GNA11: variants seen among roughly 807,000 people sequenced by gnomAD.
The protein encoded by GNA11 is G protein subunit alpha 11, also known as guanine nucleotide-binding protein subunit alpha-11.
Under a neutral mutation model 38.2 loss-of-function variants are expected in GNA11, and 8 were observed. That is an observed-to-expected ratio of 0.21 (90% CI 0.12 to 0.38). The LOEUF is 0.38. Among genes scored for constraint, GNA11 ranks in the 10% least tolerant of loss-of-function variants. The probability of loss-of-function intolerance (pLI) is 1.00; values close to 1 mark genes in which losing one functional copy is unlikely to be tolerated. For synonymous variants in GNA11, 211 were observed against 221.4 expected (o/e 0.95, Z 0.42); for missense variants, 268 against 516.3 (o/e 0.52, Z 4.66).
intron 1 of GNA11, among the ~76,000 whole-genome samples, chr19:3,101,910 A>G (rs1913516767): frequency 6.6e-6 from 1 of 152,116 alleles, no homozygotes; most frequent in Admixed American, 6.6e-5. Context: ...CCTGGGCAAC[A>G]TGACGAGACC....
chr19:3,111,405 G>A (rs2145316742), intron 2 of GNA11, among the ~76,000 whole-genome samples: 1 of 152,072 alleles, frequency 6.6e-6, no homozygotes, highest in African/African-American at 2.4e-5. Flanking sequence ...TCATAGAAAT[G>A]GGATTGCACG....
chr19:3,117,601 C>T (rs1270385324), intron 4 of GNA11: 1 of 152,316 alleles, frequency 6.6e-6, no homozygotes, highest in Non-Finnish European at 1.5e-5. Flanking sequence ...CCAGGATGGT[C>T]TCGACCTCCT....
chr19:3,110,795 T>C lies in GNA11; in HGVS notation c.321+462T>C, dbSNP rs1425763588. On this transcript the variant is annotated intron_variant, in intron 2 of 6. Coordinates refer to ENST00000078429, the MANE Select transcript of GNA11 (RefSeq NM_002067.5). The surrounding 1 kb of genome is among the most constrained non-coding windows in gnomAD (Gnocchi z 5.4). ...ACCTTCTCACACTGTTTTTTTGTTT[T>C]GTTTTGTTTTGTTTTGTTTTGAAAA... 6.6e-6 allele frequency among the ~76,000 whole-genome samples: 1 copy of C among 151,932 alleles called. No individual in the cohort carries two copies. The highest frequency in any genetic ancestry group is 1.5e-5 in the Non-Finnish European group (1 of 67,938).
At chr19:3,103,246 C>T (rs1244527738) in intron 1 of GNA11, among the ~76,000 whole-genome samples, 1 of 152,094 alleles carries the variant, frequency 6.6e-6, no homozygotes, top group Admixed American at 6.5e-5. Flanking sequence ...GAGAGTCTCA[C>T]TCTGTTGCCC....
At chr19:3,098,277 T>G (rs900171884) in intron 1 of GNA11, among the ~76,000 whole-genome samples, 2 of 152,232 alleles carry the variant, frequency 1.3e-5, no homozygotes, top group African/African-American at 4.8e-5. Flanking sequence ...GTGCACACGC[T>G]GCTCCCGCCT....
intron 1 of GNA11, among the ~76,000 whole-genome samples, chr19:3,095,451 G>A (rs1230010688): frequency 6.6e-6 from 1 of 151,780 alleles, no homozygotes; most frequent in African/African-American, 2.4e-5. Flanking sequence ...AGGGCCCCGC[G>A]TTGACCCTTC....
At chr19:3,103,519 C>CTTTTTTTTTTTTTTTTTTTTTTT (rs760497682) in intron 1 of GNA11, among the ~76,000 whole-genome samples, 1 of 45,800 alleles carries the variant, frequency 2.2e-5, no homozygotes, top group Non-Finnish European at 4.0e-5. Flanking sequence ...GGCCTTGAAT[C>CTTTTTTTTTTTTTTTTTTTTTTT]TTTTTTTTTT....
chr19:3,119,560 G>C lies in GNA11; in HGVS notation c.889+201G>C, dbSNP rs560102568. Among the ~76,000 whole-genome samples, 62 of 150,320 alleles carry C rather than the reference G, an allele frequency of 4.1e-4. No individual in the cohort carries two copies. Among genetic ancestry groups the C allele is most frequent in the African/African-American group, 1.4e-3 (59 of 40,776 alleles). On this transcript the variant is annotated intron_variant, in intron 6 of 6. Transcript: ENST00000078429. This position sits in a 1 kb window ranked among gnomAD's most constrained non-coding sequence, Gnocchi z 4.6. Reference sequence around the variant, plus strand: ...TGTACGGGAATGAGTTCTCCGACGCGGGTGTCTCATACCCGTGGGAGATCT... The same window carrying C: ...TGTACGGGAATGAGTTCTCCGACGCCGGTGTCTCATACCCGTGGGAGATCT...
At chr19:3,103,876 G>T (rs545261689) in intron 1 of GNA11, among the ~76,000 whole-genome samples, 1 of 151,946 alleles carries the variant, frequency 6.6e-6, no homozygotes, top group Admixed American at 6.6e-5. Flanking sequence ...TAGTGGAGAC[G>T]CGGTTTCACC....
chr19:3,121,680 C>T lies in GNA11; in HGVS notation c.*501C>T, dbSNP rs992022707. ...CGCTTCTTTTCTTCATCACAAAAGGCGTGGAGACTCGGAGACGGACGTTTT... is the reference window on the plus strand; with the variant it reads ...CGCTTCTTTTCTTCATCACAAAAGGTGTGGAGACTCGGAGACGGACGTTTT... On this transcript the variant is annotated 3_prime_UTR_variant, in exon 7 of 7. Transcript: ENST00000078429. 4.7e-5 allele frequency: 11 copies of T among 232,718 alleles called. No individual in the cohort carries two copies. Among genetic ancestry groups the T allele is most frequent in the African/African-American group, 1.1e-4 (5 of 45,408 alleles). The allele number at this position is 232,718 out of a possible 1,614,324, so 14.4% of individuals were successfully genotyped here.
rs377100062 is a variant in GNA11 at position 3,114,931 on chromosome 19, C to T, written c.477-13C>T. 69 of 1,597,202 alleles carry T rather than the reference C, an allele frequency of 4.3e-5. No homozygotes were observed. The highest frequency in any genetic ancestry group is 1.9e-4 in the African/African-American group (14 of 72,946). On this transcript the variant is annotated splice_polypyrimidine_tract_variant and intron_variant, in intron 3 of 6. Coordinates refer to ENST00000078429, the MANE Select transcript of GNA11 (RefSeq NM_002067.5). ...CCCGGCAGCCGGCCTGAGCACCCAC[C>T]GCTGTGTTGCAGCTACCTGACCGAC...
In GNA11 at chr19:3,123,360, C is replaced by G. The variant is rs187268903; in HGVS notation, c.*2181C>G. 1 of 233,294 alleles carries G rather than the reference C, an allele frequency of 4.3e-6. No individual in the cohort carries two copies. Among genetic ancestry groups the G allele is most frequent in the East Asian group, 6.0e-5 (1 of 16,602 alleles). The allele number at this position is 233,294 out of a possible 1,614,324, so 14.5% of individuals were successfully genotyped here. ...TCTGAGTGCCTGATCCCCTGCCCCC[C>G]AAAAAAGCAGAGGTAGGTGTTGCAG... On this transcript the variant is annotated 3_prime_UTR_variant, in exon 7 of 7. Transcript: ENST00000078429.
At chr19:3,112,239 C>G (rs984777536) in intron 2 of GNA11, among the ~76,000 whole-genome samples, 1 of 152,140 alleles carries the variant, frequency 6.6e-6, no homozygotes. Context: ...TTTTCCAAGT[C>G]CCCCTAGGTG....
At chr19:3,116,253 A>C (rs1913918270) in intron 4 of GNA11, among the ~76,000 whole-genome samples, 1 of 152,040 alleles carries the variant, frequency 6.6e-6, no homozygotes, top group Admixed American at 6.5e-5. Flanking sequence ...GCCCCATATA[A>C]CATCTCCAGC....
At chr19:3,097,719 C>T (rs1041381402) in intron 1 of GNA11, among the ~76,000 whole-genome samples, 10 of 152,264 alleles carry the variant, frequency 6.6e-5, no homozygotes, top group South Asian at 2.1e-4. Context: ...GCTGCCGTGC[C>T]GCCTCTCCCG....
At position 3,113,396 on chromosome 19, in the gene GNA11, A is replaced by C; in HGVS notation, c.388A>C (p.Ser130Arg). 2 of 1,613,294 alleles carry C rather than the reference A, an allele frequency of 1.2e-6. No homozygotes were observed. The highest frequency in any genetic ancestry group is 8.5e-7 in the Non-Finnish European group (1 of 1,179,638). The stretch of plus-strand genomic sequence containing the variant: ...GACCACCTTCGAGCATCAGTACGTC[A>C]GTGCCATCAAGACCCTGTGGGAGGA... ...KVTTFEHQYV[S>R]AIKTLWEDPG... is the part of the protein sequence containing the mutation. The change falls in exon 3 of 7, where the codon AGT becomes CGT. Residue 130 changes from serine (S) to arginine (R), a missense_variant. By Grantham distance (110) the Ser-to-Arg change is moderately radical. This residue lies in a region of GNA11 where 151 missense variants were observed against 254.0 expected (regional missense o/e 0.59). Coordinates refer to ENST00000078429, the MANE Select transcript of GNA11 (RefSeq NM_002067.5).
At position 3,113,423 on chromosome 19, in the gene GNA11, C is replaced by T. The variant is rs2145318759; in HGVS notation, c.415C>T (p.Pro139Ser). The T allele has an allele frequency of 6.2e-7, 1 of 1,613,074 alleles. No individual in the cohort carries two copies. Among genetic ancestry groups the T allele is most frequent in the South Asian group, 1.1e-5 (1 of 91,052 alleles). Reference sequence around the variant, plus strand: ...TGCCATCAAGACCCTGTGGGAGGACCCGGGCATCCAGGAATGCTACGACCG... The same window carrying T: ...TGCCATCAAGACCCTGTGGGAGGACTCGGGCATCCAGGAATGCTACGACCG... ...VSAIKTLWED[P>S]GIQECYDRRR... Residue 139 changes from proline to serine, a missense_variant, in exon 3 of 7, where the codon CCG (proline) becomes TCG (serine). Physicochemically the swap from Pro to Ser is moderately conservative, Grantham distance 74. Coordinates refer to ENST00000078429, the MANE Select transcript of GNA11 (RefSeq NM_002067.5).
chr19:3,096,189 A>G (rs968253220), intron 1 of GNA11, among the ~76,000 whole-genome samples: 19 of 151,514 alleles, frequency 1.3e-4, no homozygotes, highest in African/African-American at 4.6e-4. Flanking sequence ...GTCCCGGGTT[A>G]CAGAGGTGCC....
At chr19:3,112,952 C>G (rs1210934853) in intron 2 of GNA11, among the ~76,000 whole-genome samples, 1 of 152,202 alleles carries the variant, frequency 6.6e-6, no homozygotes, top group Non-Finnish European at 1.5e-5. Flanking sequence ...GTTCTGTCGT[C>G]GTGCTTGGTC....
Sources: gnomAD v4.1 joint callset for allele counts (sites outside exome capture counted in the v4.1 genomes callset) on GRCh38, gnomAD v4.1.1 for gene constraint, gnomAD v4.1.1 regional missense constraint, Gnocchi (gnomAD v3.1) non-coding constraint, MANE v1.5 for transcripts, NCBI Gene and HGNC (gene_info 2026-07-23, HGNC 2026-07-21) for gene names.